Variants in CHST8 observed in about 807,000 individuals in gnomAD.
CHST8 encodes the protein GALNAC-4-ST1.
CHST8 carries 10 observed loss-of-function variants against 15.0 expected under a neutral mutation model. The observed-to-expected ratio is 0.67, with a 90% confidence interval of 0.41 to 1.13. The LOEUF (loss-of-function observed/expected upper bound fraction) is 1.13, where lower values mean the gene tolerates loss of function less well. Among genes scored for constraint, CHST8 ranks in the 50% most tolerant of loss-of-function variants. The probability of loss-of-function intolerance (pLI) is 0.00; values close to 1 mark genes in which losing one functional copy is unlikely to be tolerated. For missense variants in CHST8, 634 were observed against 608.2 expected (o/e 1.04, Z -0.45); for synonymous variants, 259 against 256.6 (o/e 1.01, Z -0.09).
At chr19:33,706,118 A>G (rs1973440460) in intron 3 of CHST8, among the ~76,000 whole-genome samples, 1 of 152,226 alleles carries the variant, frequency 6.6e-6, no homozygotes, top group Non-Finnish European at 1.5e-5. Context: ...CTCAGATCCC[A>G]AAAGTCTGAA....
chr19:33,706,422 T>C (rs1244111382), intron 3 of CHST8, among the ~76,000 whole-genome samples: 2 of 152,190 alleles, frequency 1.3e-5, no homozygotes, highest in African/African-American at 2.4e-5. Flanking sequence ...TCAGTATTAC[T>C]ATACACCCAT....
At chr19:33,637,875 AAG>A (rs1491450861) in intron 1 of CHST8, among the ~76,000 whole-genome samples, 1 of 150,496 alleles carries the variant, frequency 6.6e-6, no homozygotes, top group African/African-American at 2.4e-5. Flanking sequence ...AAAAAAAAAA[AAG>A]AAAGGTCCCA....
At chr19:33,762,632 G>A (rs1568361444) in intron 3 of CHST8, among the ~76,000 whole-genome samples, 1 of 152,236 alleles carries the variant, frequency 6.6e-6, no homozygotes, top group Non-Finnish European at 1.5e-5. Context: ...CCCCTGCAAA[G>A]GGAACCAGGT....
intron 1 of CHST8, among the ~76,000 whole-genome samples, chr19:33,658,931 AGTTT>A (rs150121821): frequency 0.047 from 7,176 of 152,084 alleles, 375 homozygotes; most frequent in Admixed American, 0.16. Flanking sequence ...TATTTTTAAT[AGTTT>A]GTTTGACTAT....
intron 3 of CHST8, among the ~76,000 whole-genome samples, chr19:33,727,993 T>A: frequency 6.6e-6 from 1 of 152,252 alleles, no homozygotes; most frequent in East Asian, 1.9e-4. Context: ...GAGGCACCAA[T>A]GTGGGACTTT....
chr19:33,721,455 G>GTGGT (rs1250140112), intron 3 of CHST8, among the ~76,000 whole-genome samples: 2 of 152,168 alleles, frequency 1.3e-5, no homozygotes, highest in Non-Finnish European at 2.9e-5. Context: ...TGTCTGTTGT[G>GTGGT]TGGTTGGATG....
At chr19:33,745,794 C>CCCAGGGGAGATGGTGCAA (rs60974900) in intron 3 of CHST8, among the ~76,000 whole-genome samples, 2 of 151,910 alleles carry the variant, frequency 1.3e-5, no homozygotes, top group African/African-American at 4.8e-5. Context: ...TGCAGGCAGC[C>CCCAGGGGAGATGGTGCAA]CCTTGGGTGA....
intron 3 of CHST8, among the ~76,000 whole-genome samples, chr19:33,706,163 G>T (rs1973441744): frequency 6.6e-6 from 1 of 152,152 alleles, no homozygotes; most frequent in Non-Finnish European, 1.5e-5. Flanking sequence ...CTCAGGGCTG[G>T]GAGCAAGCAC....
At chr19:33,729,292 A>G (rs1157965678) in intron 3 of CHST8, among the ~76,000 whole-genome samples, 1 of 152,238 alleles carries the variant, frequency 6.6e-6, no homozygotes, top group Non-Finnish European at 1.5e-5. Flanking sequence ...GGCAGGATTG[A>G]GTCCGTCTCA....
intron 3 of CHST8, among the ~76,000 whole-genome samples, chr19:33,707,793 G>A (rs761057657): frequency 6.6e-6 from 1 of 152,140 alleles, no homozygotes; most frequent in Non-Finnish European, 1.5e-5. Context: ...TGGCTAGGTT[G>A]TAATAGTAAA....
intron 2 of CHST8, among the ~76,000 whole-genome samples, chr19:33,673,435 G>A (rs938103495): frequency 1.3e-5 from 2 of 152,216 alleles, no homozygotes; most frequent in African/African-American, 4.8e-5. Flanking sequence ...GGGTGGGGCA[G>A]GGGGAGTGGT....
At chr19:33,762,187 A>G (rs1309352538) in intron 3 of CHST8, among the ~76,000 whole-genome samples, 1 of 152,230 alleles carries the variant, frequency 6.6e-6, no homozygotes, top group Non-Finnish European at 1.5e-5. Context: ...AGGTCACTGC[A>G]GGCTCTGACC....
At chr19:33,688,964 G>A (rs1443777615) in intron 2 of CHST8, among the ~76,000 whole-genome samples, 1 of 152,126 alleles carries the variant, frequency 6.6e-6, no homozygotes, top group African/African-American at 2.4e-5. Context: ...GCAGATACAG[G>A]AGACCCTGGT....
At chr19:33,658,217 G>A (rs1364693359) in intron 1 of CHST8, among the ~76,000 whole-genome samples, 1 of 152,168 alleles carries the variant, frequency 6.6e-6, no homozygotes, top group African/African-American at 2.4e-5. Flanking sequence ...CTGTGCACCT[G>A]TGATCCCAGC....
chr19:33,649,964 T>C (rs1972412612), intron 1 of CHST8, among the ~76,000 whole-genome samples: 1 of 152,252 alleles, frequency 6.6e-6, no homozygotes, highest in Admixed American at 6.5e-5. Flanking sequence ...CATAGTTTAC[T>C]TTTATAAATA....
At chr19:33,745,448 C>T (rs543887950) in intron 3 of CHST8, among the ~76,000 whole-genome samples, 2 of 152,378 alleles carry the variant, frequency 1.3e-5, no homozygotes, top group South Asian at 4.1e-4. Context: ...CACCTACCAC[C>T]AATGCTGGGG....
intron 1 of CHST8, among the ~76,000 whole-genome samples, chr19:33,655,669 G>A (rs575832031): frequency 6.6e-6 from 1 of 152,178 alleles, no homozygotes; most frequent in Admixed American, 6.5e-5. Flanking sequence ...ATTTAATCAA[G>A]ATTTTAAAAT....
chr19:33,743,700 G>A (rs1322294450), intron 3 of CHST8, among the ~76,000 whole-genome samples: 1 of 152,078 alleles, frequency 6.6e-6, no homozygotes, highest in African/African-American at 2.4e-5. Flanking sequence ...CGTCTCCTGG[G>A]GTCGTTGCTG....
intron 1 of CHST8, among the ~76,000 whole-genome samples, chr19:33,645,721 GA>G (rs1972346658): frequency 6.6e-6 from 1 of 152,182 alleles, no homozygotes; most frequent in African/African-American, 2.4e-5. Context: ...TACAAGTTTG[GA>G]GTTATGGAGA....
Sources: gnomAD v4.1 joint callset for allele counts (sites outside exome capture counted in the v4.1 genomes callset) on GRCh38, gnomAD v4.1.1 for gene constraint, MANE v1.5 for transcripts, NCBI Gene and HGNC (gene_info 2026-07-23, HGNC 2026-07-21) for gene names.